ABI3BP: variants seen among roughly 807,000 people sequenced by gnomAD.
The protein encoded by ABI3BP is ABI family member 3 binding protein, also known as target of Nesh-SH3.
A neutral mutation model predicts 268.6 loss-of-function variants in ABI3BP; 216 were observed. That is an observed-to-expected ratio of 0.80 (90% CI 0.72 to 0.90). The LOEUF (loss-of-function observed/expected upper bound fraction) is 0.90, where lower values mean the gene tolerates loss of function less well. Ranked by LOEUF, ABI3BP falls within the 40% of genes least tolerant of loss-of-function variation. The pLI is 0.00. For synonymous variants in ABI3BP, 730 were observed against 730.0 expected (o/e 1.00, Z 0.00); for missense variants, 2,090 against 2,182.4 (o/e 0.96, Z 0.84).
At chr3:100,952,469 T>G (rs1021463490) in intron 1 of ABI3BP, among the ~76,000 whole-genome samples, 2 of 152,174 alleles carry the variant, frequency 1.3e-5, no homozygotes, top group Admixed American at 1.3e-4. Flanking sequence ...TACTATATAC[T>G]GCATCTTTTG....
At chr3:100,893,666 C>T (rs528426068) in intron 4 of ABI3BP, among the ~76,000 whole-genome samples, 2 of 151,610 alleles carry the variant, frequency 1.3e-5, no homozygotes, top group South Asian at 4.2e-4. Flanking sequence ...AATGTGGGAG[C>T]CATAACTCTG....
At chr3:100,952,767 A>G (rs1421804435) in intron 1 of ABI3BP, 3 of 151,924 alleles carry the variant, frequency 2.0e-5, no homozygotes, top group African/African-American at 7.2e-5. Flanking sequence ...AATAAGACAC[A>G]TTAAAAAAAG....
chr3:100,942,599 C>T (rs961000790), intron 1 of ABI3BP, among the ~76,000 whole-genome samples: 2 of 151,976 alleles, frequency 1.3e-5, no homozygotes, highest in East Asian at 1.9e-4. Context: ...AGATGATTTG[C>T]TTACATTCTG....
intron 3 of ABI3BP, 89 bp downstream of exon 3, chr3:100,902,529 A>C: frequency 8.5e-7 from 1 of 1,180,252 alleles, no homozygotes; most frequent in Non-Finnish European, 1.2e-6. Context: ...AAGCTTCTCA[A>C]GGCATTTGGT....
chr3:100,985,007 C>T (rs1380324372), intron 1 of ABI3BP, among the ~76,000 whole-genome samples: 2 of 152,068 alleles, frequency 1.3e-5, no homozygotes, highest in African/African-American at 2.4e-5. Flanking sequence ...AGAGAAACTC[C>T]TCTGGTTTTT....
chr3:100,812,477 CT>C lies in ABI3BP; in HGVS notation c.3410del (p.Lys1137ArgfsTer4). 1.5e-6 allele frequency: 2 copies of C among 1,320,362 alleles called. No individual in the cohort carries two copies. The highest frequency in any genetic ancestry group is 2.3e-5 in the South Asian group (1 of 42,844). The allele number at this position is 1,320,362 out of a possible 1,614,324, so 81.8% of individuals were successfully genotyped here. ...GGGGAACATTTTTACCTATGGTCTCCTTTGGTGACTCAGTACTAAGTGTAAC... is the reference window on the plus strand; with the variant it reads ...GGGGAACATTTTTACCTATGGTCTCCTTGGTGACTCAGTACTAAGTGTAAC... The part of the protein sequence containing the change: ...ESVTLSTESP[K>X]ETIAPAKTDY... On this transcript the variant is annotated frameshift_variant, in exon 46 of 68. Coordinates refer to ENST00000471714, the MANE Select transcript of ABI3BP (RefSeq NM_001375547.2). LOFTEE classifies it high-confidence loss of function.
intron 29 of ABI3BP, 44 bp downstream of exon 29, chr3:100,834,640 A>G: frequency 6.6e-7 from 1 of 1,518,404 alleles, no homozygotes; most frequent in Non-Finnish European, 8.8e-7. Context: ...CCCATGCCAC[A>G]TCCAATGGGA....
chr3:100,820,138 C>A, intron 40 of ABI3BP, 82 bp downstream of exon 40: 3 of 1,206,288 alleles, frequency 2.5e-6, no homozygotes, highest in South Asian at 2.7e-5. Flanking sequence ...CTCACACAGG[C>A]CATCACTCCC....
At chr3:100,772,370 A>C (rs2096570936) in intron 61 of ABI3BP, among the ~76,000 whole-genome samples, 1 of 152,196 alleles carries the variant, frequency 6.6e-6, no homozygotes, top group South Asian at 2.1e-4. Context: ...TTTATCTCTA[A>C]AAAATAGTTT....
intron 32 of ABI3BP, among the ~76,000 whole-genome samples, chr3:100,830,146 T>TAC (rs1470231125): frequency 1.7e-5 from 1 of 59,218 alleles, no homozygotes; most frequent in African/African-American, 4.9e-5. Flanking sequence ...TATATATATA[T>TAC]ATATATATAT....
chr3:100,942,024 A>T (rs1332040078), intron 1 of ABI3BP, among the ~76,000 whole-genome samples: 1 of 152,126 alleles, frequency 6.6e-6, no homozygotes, highest in East Asian at 1.9e-4. Context: ...GACATGGTTA[A>T]CTTCAACTGA....
intron 1 of ABI3BP, among the ~76,000 whole-genome samples, chr3:100,952,331 G>A (rs1023597060): frequency 2.6e-5 from 4 of 152,130 alleles, no homozygotes; most frequent in African/African-American, 9.7e-5. Flanking sequence ...TTAGCTTAGT[G>A]AATTAGCTTG....
chr3:100,803,915 A>G (rs2097611201), intron 51 of ABI3BP, among the ~76,000 whole-genome samples: 3 of 152,334 alleles, frequency 2.0e-5, no homozygotes, highest in Middle Eastern at 3.4e-3. Context: ...AAAACATTAT[A>G]GGAAGTGAAT....
At chr3:100,813,772 C>G in intron 44 of ABI3BP, 37 bp from the exon 45 acceptor site, 1 of 1,488,784 alleles carries the variant, frequency 6.7e-7, no homozygotes, top group Non-Finnish European at 9.1e-7. Flanking sequence ...GAGTAATTTT[C>G]AGTTATTTAT....
intron 63 of ABI3BP, among the ~76,000 whole-genome samples, chr3:100,756,137 C>T (rs1391425120): frequency 6.6e-6 from 1 of 152,236 alleles, no homozygotes; most frequent in Non-Finnish European, 1.5e-5. Flanking sequence ...CAATACAACA[C>T]ATGTAAACCC....
chr3:100,978,602 T>C (rs954571984), intron 1 of ABI3BP, among the ~76,000 whole-genome samples: 27 of 152,296 alleles, frequency 1.8e-4, no homozygotes, highest in Admixed American at 1.7e-3. Flanking sequence ...AGTTTCTAAT[T>C]ATAAAAGGCA....
At chr3:100,948,067 A>T (rs2073324815) in intron 1 of ABI3BP, among the ~76,000 whole-genome samples, 1 of 152,190 alleles carries the variant, frequency 6.6e-6, no homozygotes, top group Admixed American at 6.5e-5. Flanking sequence ...TAGATGATGG[A>T]TTTAAAGATC....
intron 2 of ABI3BP, among the ~76,000 whole-genome samples, chr3:100,919,176 TA>T (rs530192844): frequency 2.2e-4 from 34 of 152,324 alleles, no homozygotes; most frequent in African/African-American, 7.9e-4. Flanking sequence ...TTTCATAAGT[TA>T]TTTTTTTCAT....
intron 1 of ABI3BP, among the ~76,000 whole-genome samples, chr3:100,965,616 C>A (rs981129363): frequency 1.3e-5 from 2 of 151,948 alleles, no homozygotes; most frequent in Non-Finnish European, 2.9e-5. Flanking sequence ...TGAGAAACTT[C>A]CGTGTACCAG....
Sources: allele counts gnomAD v4.1 joint callset (sites outside exome capture counted in the v4.1 genomes callset), GRCh38; gene constraint gnomAD v4.1.1; transcripts MANE v1.5; gene names NCBI Gene and HGNC (gene_info 2026-07-23, HGNC 2026-07-21).